The following RPS6KC1 variants were observed in gnomAD, a reference collection of about 807,000 sequenced individuals.
RPS6KC1 encodes ribosomal protein S6 kinase C1, also known as inactive ribosomal protein S6 kinase delta-1.
RPS6KC1 carries 54 observed loss-of-function variants against 103.8 expected under a neutral mutation model. The ratio of observed to expected loss-of-function variants is 0.52; its 90% CI spans 0.42 to 0.65. The LOEUF (loss-of-function observed/expected upper bound fraction) is 0.65. Ranked by LOEUF, RPS6KC1 falls within the 30% of genes least tolerant of loss-of-function variation. The pLI is 0.00. For synonymous variants in RPS6KC1, 439 were observed against 438.7 expected (o/e 1.00, Z -0.01); for missense variants, 1,151 against 1,253.8 (o/e 0.92, Z 1.24).
At chr1:213,248,020 A>G (rs1054998448) in intron 12 of RPS6KC1, among the ~76,000 whole-genome samples, 6 of 152,196 alleles carry the variant, frequency 3.9e-5, no homozygotes, top group Non-Finnish European at 5.9e-5. Flanking sequence ...GAATGTCAAG[A>G]TTCTCAACAA....
the RPS6KC1 span, among the ~76,000 whole-genome samples, chr1:213,493,709 A>G: frequency 6.6e-6 from 1 of 152,220 alleles, no homozygotes; most frequent in Non-Finnish European, 1.5e-5. Context: ...AACTAGTTGA[A>G]GTCAGAGCTG....
the RPS6KC1 span, among the ~76,000 whole-genome samples, chr1:213,378,438 A>G: frequency 2.0e-5 from 3 of 152,212 alleles, no homozygotes; most frequent in African/African-American, 7.2e-5. Flanking sequence ...TGGGATGGTC[A>G]TGTACATAGC....
intron 10 of RPS6KC1, among the ~76,000 whole-genome samples, chr1:213,236,582 A>G (rs2094225507): frequency 6.6e-6 from 1 of 152,148 alleles, no homozygotes; most frequent in African/African-American, 2.4e-5. Flanking sequence ...TGAGAGAGAA[A>G]GGTGGGGAAA....
chr1:213,157,079 A>G (rs1390506638), intron 6 of RPS6KC1, among the ~76,000 whole-genome samples: 2 of 152,142 alleles, frequency 1.3e-5, no homozygotes, highest in East Asian at 1.9e-4. Context: ...TCCACATCCC[A>G]TAAATTTAGA....
chr1:213,222,645 G>A (rs931114180), intron 8 of RPS6KC1, among the ~76,000 whole-genome samples: 4 of 152,138 alleles, frequency 2.6e-5, no homozygotes, highest in African/African-American at 9.7e-5. Context: ...AAAGCCCACC[G>A]AGTACTATTC....
the RPS6KC1 span, among the ~76,000 whole-genome samples, chr1:213,333,752 G>A: frequency 2.0e-5 from 3 of 152,024 alleles, no homozygotes; most frequent in Middle Eastern, 3.2e-3. Context: ...TCTGCCTCCC[G>A]GGTTCAAGCA....
chr1:213,144,125 C>T (rs1166988224), intron 6 of RPS6KC1, among the ~76,000 whole-genome samples: 1 of 152,034 alleles, frequency 6.6e-6, no homozygotes, highest in African/African-American at 2.4e-5. Context: ...TCTTTAGCCA[C>T]GTAAAATAAC....
At chr1:213,848,780 TA>T in the RPS6KC1 span, among the ~76,000 whole-genome samples, 12 of 152,302 alleles carry the variant, frequency 7.9e-5, no homozygotes, top group Admixed American at 2.0e-4. Context: ...ATTTTTTTTA[TA>T]TTGTAATGCT....
At chr1:213,790,672 C>A in the RPS6KC1 span, among the ~76,000 whole-genome samples, 1 of 152,100 alleles carries the variant, frequency 6.6e-6, no homozygotes, top group East Asian at 1.9e-4. Flanking sequence ...CAGGGCTCAT[C>A]CATGAAACAC....
chr1:213,162,621 T>G (rs1053889439), intron 6 of RPS6KC1, among the ~76,000 whole-genome samples: 2 of 152,198 alleles, frequency 1.3e-5, no homozygotes, highest in Non-Finnish European at 2.9e-5. Flanking sequence ...AGTCTTTGGA[T>G]TCTCTCTTTA....
the RPS6KC1 span, among the ~76,000 whole-genome samples, chr1:213,748,687 A>G: frequency 1.3e-5 from 2 of 152,264 alleles, no homozygotes; most frequent in Admixed American, 1.3e-4. Context: ...GCTGGGCTAT[A>G]AAGGCCATCT....
chr1:213,619,778 C>A, the RPS6KC1 span, among the ~76,000 whole-genome samples: 1 of 152,048 alleles, frequency 6.6e-6, no homozygotes, highest in East Asian at 1.9e-4. Flanking sequence ...TCCAGGTGAA[C>A]CATATATGCA....
chr1:213,761,854 G>A, the RPS6KC1 span, among the ~76,000 whole-genome samples: 509 of 152,264 alleles, frequency 3.3e-3, 1 homozygote, highest in African/African-American at 0.012. Flanking sequence ...GTGGGTTGAG[G>A]GTGTTATTAG....
chr1:213,291,081 C>G, the RPS6KC1 span, among the ~76,000 whole-genome samples: 1 of 152,204 alleles, frequency 6.6e-6, no homozygotes, highest in East Asian at 1.9e-4. Flanking sequence ...AGCTAGATTG[C>G]TCCCTAAGCC....
the RPS6KC1 span, among the ~76,000 whole-genome samples, chr1:213,366,807 A>G: frequency 6.6e-6 from 1 of 152,130 alleles, no homozygotes; most frequent in African/African-American, 2.4e-5. Flanking sequence ...TTTTTGGCTG[A>G]TCTATCTTCA....
At chr1:213,118,092 T>C (rs1353678524) in intron 5 of RPS6KC1, among the ~76,000 whole-genome samples, 1 of 149,324 alleles carries the variant, frequency 6.7e-6, no homozygotes, top group African/African-American at 2.5e-5. Flanking sequence ...ATTTCAAGAC[T>C]GGCTTTAGAG....
chr1:213,597,933 G>A, the RPS6KC1 span, among the ~76,000 whole-genome samples: 16 of 152,154 alleles, frequency 1.1e-4, no homozygotes, highest in African/African-American at 3.1e-4. Context: ...CAGAGTGAGC[G>A]GCTCCTGGAG....
chr1:213,684,578 C>T, the RPS6KC1 span, among the ~76,000 whole-genome samples: 4 of 152,232 alleles, frequency 2.6e-5, no homozygotes, highest in Admixed American at 2.0e-4. Flanking sequence ...GAACTGTCCC[C>T]ATGCCCTCAG....
the RPS6KC1 span, among the ~76,000 whole-genome samples, chr1:213,742,029 T>G: frequency 1.3e-5 from 2 of 152,026 alleles, no homozygotes; most frequent in African/African-American, 2.4e-5. Context: ...CCAGTGCAAA[T>G]TGGTTGTCTT....
Sources: gnomAD v4.1 joint callset for allele counts (sites outside exome capture counted in the v4.1 genomes callset) on GRCh38, gnomAD v4.1.1 for gene constraint, MANE v1.5 for transcripts, NCBI Gene and HGNC (gene_info 2026-07-23, HGNC 2026-07-21) for gene names.